Variants in EXO1 observed in about 807,000 individuals in gnomAD.
EXO1 encodes exonuclease 1.
EXO1 carries 69 observed loss-of-function variants against 84.5 expected under a neutral mutation model. The observed-to-expected ratio is 0.82, with a 90% CI of 0.67 to 1.00. EXO1 has a LOEUF of 1.00. Among genes scored for constraint, EXO1 ranks in the 50% least tolerant of loss-of-function variants. EXO1 has a pLI of 0.00. For synonymous variants in EXO1, 373 were observed against 366.1 expected (o/e 1.02, Z -0.21); for missense variants, 1,045 against 1,000.7 (o/e 1.04, Z -0.60).
chr1:241,863,031 G>GT (rs1661489759), intron 10 of EXO1, among the ~76,000 whole-genome samples: 1 of 152,178 alleles, frequency 6.6e-6, no homozygotes, highest in Non-Finnish European at 1.5e-5. Flanking sequence ...AAGAAATGCG[G>GT]TAAGTGCTAC....
chr1:241,861,477 A>G lies in EXO1; in HGVS notation c.1016A>G (p.Asp339Gly), dbSNP rs1184553142. 3.2e-6 allele frequency: 5 copies of G among 1,586,126 alleles called. No homozygotes were observed. Among genetic ancestry groups the G allele is most frequent in the African/African-American group, 2.7e-5 (2 of 74,364 alleles). The change falls in exon 10 of 16, where the codon GAT becomes GGT. Residue 339 changes from aspartate to glycine, a missense_variant. Transcript: ENST00000366548. ...GATATAAATACTTTTGAACAGATCG[A>G]TGACTACAATCCAGACACTGCTATG... ...NKDINTFEQI[D>G]DYNPDTAMPA... is the part of the protein sequence containing the mutation.
At position 241,850,538 on chromosome 1, in the gene EXO1, G is replaced by A; in HGVS notation, c.113G>A (p.Gly38Glu). The part of the protein sequence containing the change: ...AVDTYCWLHK[G>E]AIACAEKLAK... Reference sequence around the variant, plus strand: ...GATACATATTGCTGGCTTCACAAAGGAGCTATTGCTTGTGCTGAAAAACTA... The same window carrying A: ...GATACATATTGCTGGCTTCACAAAGAAGCTATTGCTTGTGCTGAAAAACTA... The change falls in exon 4 of 16, where the codon GGA becomes GAA. Residue 38 changes from glycine to glutamate, a missense_variant. Gly to Glu is a moderately conservative substitution (Grantham distance 98). Coordinates refer to ENST00000366548, the MANE Select transcript of EXO1 (RefSeq NM_130398.4). 6.2e-7 allele frequency: 1 copy of A among 1,613,986 alleles called. No individual in the cohort carries two copies. The highest frequency in any genetic ancestry group is 8.5e-7 in the Non-Finnish European group (1 of 1,179,938).
chr1:241,871,882 T>C, intron 11 of EXO1, 150 bp from the exon 12 acceptor site: 2 of 612,184 alleles, frequency 3.3e-6, no homozygotes, highest in Non-Finnish European at 5.7e-6. Flanking sequence ...GAATCATCCT[T>C]ATCCTTATGT....
chr1:241,872,306 T>C, intron 12 of EXO1, 28 bp downstream of exon 12: 2 of 1,609,014 alleles, frequency 1.2e-6, no homozygotes, highest in Non-Finnish European at 1.7e-6. Context: ...GAATGTTGAT[T>C]GTCTGTTGTA....
rs749936394 is a variant in EXO1 at position 241,857,428 on chromosome 1, T to C, written c.489T>C (p.Ile163=). 2 of 1,613,958 alleles carry C rather than the reference T, an allele frequency of 1.2e-6. No homozygotes were observed. The highest frequency in any genetic ancestry group is 4.5e-5 in the East Asian group (2 of 44,876). Residue 163 remains isoleucine (I), a synonymous_variant, in exon 7 of 16, where the codon ATT becomes ATC. Coordinates refer to ENST00000366548, the MANE Select transcript of EXO1 (RefSeq NM_130398.4). ...TGGCCTATCTTAACAAAGCGGGAATTGTGCAAGCCATAATTACAGAGGACT... is the reference window on the plus strand; with the variant it reads ...TGGCCTATCTTAACAAAGCGGGAATCGTGCAAGCCATAATTACAGAGGACT... ...AQLAYLNKAG[I]VQAIITEDSD... is the part of the protein sequence containing the mutation.
At chr1:241,881,684 G>T (rs574117998) in intron 13 of EXO1, among the ~76,000 whole-genome samples, 21 of 152,244 alleles carry the variant, frequency 1.4e-4, no homozygotes, top group African/African-American at 4.8e-4. Flanking sequence ...GTTCAGAAAA[G>T]ACTTTAATTT....
intron 14 of EXO1, among the ~76,000 whole-genome samples, chr1:241,883,646 T>C (rs1027608415): frequency 6.6e-6 from 1 of 152,214 alleles, no homozygotes; most frequent in East Asian, 1.9e-4. Context: ...ATTTTTTAAA[T>C]TTTTGAGCAA....
chr1:241,882,260 T>C (rs1662811753), intron 14 of EXO1, among the ~76,000 whole-genome samples: 1 of 152,214 alleles, frequency 6.6e-6, no homozygotes, highest in African/African-American at 2.4e-5. Context: ...GACTTTATAA[T>C]ATGCAGTTGT....
At position 241,863,743 on chromosome 1, in the gene EXO1, A is replaced by T. The variant is rs1776137; in HGVS notation, c.1041+2241A>T. On this transcript the variant is annotated intron_variant, in intron 10 of 15. Transcript: ENST00000366548. The stretch of plus-strand genomic sequence containing the variant: ...TTCCCCTATTTTCTAACCTTGCTCC[A>T]TGTAATACGGTAGCCACTAGCCATG... 3.9e-5 allele frequency among the ~76,000 whole-genome samples: 6 copies of T among 152,046 alleles called. No homozygotes were observed. In the East Asian group the frequency reaches 1.2e-3, roughly 29 times the overall value.
Position 241,884,961 on chromosome 1 carries a change from G to A in EXO1, c.2212-353G>A, listed in dbSNP as rs548866985. Among the ~76,000 whole-genome samples the A allele has an allele frequency of 1.7e-4, 26 of 152,156 alleles. No homozygotes were observed. The South Asian group carries it at 5.2e-3, about 30-fold the overall frequency. ...GGTGGCTCATGCCTGTAATCCCAGC[G>A]CTTTGGGAGGCTGAGGCGAGCAGAT... On this transcript the variant is annotated intron_variant, in intron 14 of 15. Transcript: ENST00000366548.
rs1663005383 is a variant in EXO1 at position 241,885,418 on chromosome 1, C to T, written c.2316C>T (p.Ser772=). 6.2e-7 allele frequency: 1 copy of T among 1,613,772 alleles called. No individual in the cohort carries two copies. Among genetic ancestry groups the T allele is most frequent in the Non-Finnish European group, 8.5e-7 (1 of 1,179,796 alleles). The change falls in exon 15 of 16, where the codon AGC becomes AGT. Residue 772 remains serine (S), a synonymous_variant. Transcript: ENST00000366548. The part of the protein sequence containing the change: ...RASGLSKKPA[S]IQKRKHHNAE... ...GTGGGCTGAGCAAGAAGCCGGCAAG[C>T]ATCCAGAAGAGAAAGCATCATAATG...
chr1:241,886,377 A>C (rs1339485312), intron 15 of EXO1, among the ~76,000 whole-genome samples: 1 of 152,194 alleles, frequency 6.6e-6, no homozygotes, highest in Non-Finnish European at 1.5e-5. Context: ...ACAGAGTAGC[A>C]TTACCTTATA....
At chr1:241,880,135 C>A (rs1662670706) in intron 13 of EXO1, among the ~76,000 whole-genome samples, 1 of 152,058 alleles carries the variant, frequency 6.6e-6, no homozygotes, top group Admixed American at 6.6e-5. Context: ...TAAATTTCTC[C>A]TTATGACAAA....
intron 7 of EXO1, among the ~76,000 whole-genome samples, 153 bp from the exon 8 acceptor site, chr1:241,858,353 G>A (rs1325116467): frequency 6.6e-6 from 1 of 151,578 alleles, no homozygotes; most frequent in East Asian, 1.9e-4. Context: ...TACTTTATTT[G>A]TAAACTTAGT....
At chr1:241,853,996 A>G (rs530116369) in intron 6 of EXO1, among the ~76,000 whole-genome samples, 1 of 152,278 alleles carries the variant, frequency 6.6e-6, no homozygotes, top group East Asian at 1.9e-4. Context: ...CAGGCACCCT[A>G]CAGACTTCTG....
chr1:241,881,926 G>A lies in EXO1; in HGVS notation c.2120G>A (p.Cys707Tyr). 1 of 1,540,100 alleles carries A rather than the reference G, an allele frequency of 6.5e-7. No individual in the cohort carries two copies. Among genetic ancestry groups the A allele is most frequent in the Non-Finnish European group, 9.0e-7 (1 of 1,116,868 alleles). The change falls in exon 14 of 16, where the codon TGC becomes TAC. Residue 707 changes from cysteine to tyrosine, a missense_variant. Physicochemically the swap from Cys to Tyr is radical, Grantham distance 194. Coordinates refer to ENST00000366548, the MANE Select transcript of EXO1 (RefSeq NM_130398.4). Reference protein sequence around the residue: ...SKDSDSEESDCNIKLLDSQSD... With the variant: ...SKDSDSEESDYNIKLLDSQSD... ...ATCTGGGGACTCTAGGAATCTGATT[G>A]CAATATTAAGTTACTTGACAGTCAA...
At chr1:241,857,293 T>A in intron 6 of EXO1, 52 bp from the exon 7 acceptor site, 4 of 1,600,178 alleles carry the variant, frequency 2.5e-6, no homozygotes, top group Non-Finnish European at 3.4e-6. Context: ...AGGAAGTTGT[T>A]TAGTACTTTC....
At chr1:241,875,675 G>C (rs1029364569) in intron 12 of EXO1, among the ~76,000 whole-genome samples, 1 of 152,080 alleles carries the variant, frequency 6.6e-6, no homozygotes, top group Non-Finnish European at 1.5e-5. Context: ...TCAGGAGATC[G>C]AGACCATCCT....
chr1:241,886,338 C>G (rs1663068737), intron 15 of EXO1, among the ~76,000 whole-genome samples: 1 of 152,202 alleles, frequency 6.6e-6, no homozygotes, highest in East Asian at 1.9e-4. Context: ...AACCATAATA[C>G]TTCCTTCTGT....
Sources: gnomAD v4.1 joint callset for allele counts (sites outside exome capture counted in the v4.1 genomes callset) on GRCh38, gnomAD v4.1.1 for gene constraint, MANE v1.5 for transcripts, NCBI Gene and HGNC (gene_info 2026-07-23, HGNC 2026-07-21) for gene names.